The following RAD54L2 variants were observed in gnomAD, a reference collection of about 807,000 sequenced individuals.
RAD54L2 encodes the protein RAD54 like 2.
A neutral mutation model predicts 138.4 loss-of-function variants in RAD54L2; 27 were observed. The observed-to-expected ratio is 0.20, with a 90% confidence interval of 0.14 to 0.27. The LOEUF (loss-of-function observed/expected upper bound fraction) is 0.27, where lower values mean the gene tolerates loss of function less well. Ranked by LOEUF, RAD54L2 falls within the 10% of genes least tolerant of loss-of-function variation. RAD54L2 has a pLI of 1.00. For missense variants in RAD54L2, 1,396 were observed against 1,890.2 expected, an observed-to-expected ratio of 0.74 and a Z score of 4.85; for synonymous variants, 644 against 723.2, an observed-to-expected ratio of 0.89 and a Z score of 1.76.
chr3:51,603,162 A>G (rs1212190478), intron 3 of RAD54L2, among the ~76,000 whole-genome samples: 1 of 133,204 alleles, frequency 7.5e-6, no homozygotes, highest in Admixed American at 7.3e-5. Context: ...AAAAAAAAAA[A>G]GCCAGGCATG....
chr3:51,639,391 G>T (rs1372630244), intron 12 of RAD54L2, 28 bp from the exon 13 acceptor site: 1 of 1,608,210 alleles, frequency 6.2e-7, no homozygotes, highest in Admixed American at 1.7e-5. Flanking sequence ...TTTGTCCTGT[G>T]TCTCCTCTCC....
intron 2 of RAD54L2, among the ~76,000 whole-genome samples, chr3:51,550,062 G>GC (rs2108689478): frequency 6.6e-6 from 1 of 152,214 alleles, no homozygotes; most frequent in East Asian, 1.9e-4. Flanking sequence ...GCTTTTCACT[G>GC]CCCCTAGGGT....
At chr3:51,572,069 G>A (rs6445793) in intron 2 of RAD54L2, among the ~76,000 whole-genome samples, 149,257 of 152,316 alleles carry the variant, frequency 0.98, 73,146 homozygotes, top group East Asian at 1. Flanking sequence ...TGTTTTCTTC[G>A]GTATTTATGT....
intron 7 of RAD54L2, among the ~76,000 whole-genome samples, chr3:51,632,167 G>A (rs995717747): frequency 7.9e-5 from 12 of 152,268 alleles, no homozygotes; most frequent in African/African-American, 1.2e-4. Flanking sequence ...TTCATTTTTC[G>A]TGGCTGAATA....
chr3:51,643,985 C>T lies in RAD54L2; in HGVS notation c.2450+11C>T, dbSNP rs753071053. 13 of 1,580,554 alleles carry T rather than the reference C, an allele frequency of 8.2e-6. No individual in the cohort carries two copies. Among genetic ancestry groups the T allele is most frequent in the Non-Finnish European group, 1.1e-5 (13 of 1,160,060 alleles). On this transcript the variant is annotated intron_variant, in intron 16 of 22. Transcript: ENST00000684192. ...CCTTCTCTCTACAAGGTGAGTGGAT[C>T]CCAAGAGGGGAGGTCAAAGGAATCT...
At chr3:51,616,403 T>C (rs777882832) in intron 3 of RAD54L2, among the ~76,000 whole-genome samples, 2 of 152,240 alleles carry the variant, frequency 1.3e-5, no homozygotes, top group Non-Finnish European at 2.9e-5. Context: ...TAAGCATAAC[T>C]TTAGCAATAT....
At chr3:51,604,709 G>C (rs1174474599) in intron 3 of RAD54L2, among the ~76,000 whole-genome samples, 1 of 152,128 alleles carries the variant, frequency 6.6e-6, no homozygotes, top group Non-Finnish European at 1.5e-5. Context: ...ATTGCTGATG[G>C]GCTGGACCCA....
chr3:51,565,499 G>A, intron 2 of RAD54L2, among the ~76,000 whole-genome samples: 1 of 152,098 alleles, frequency 6.6e-6, no homozygotes, highest in Non-Finnish European at 1.5e-5. Context: ...TTTTTGAGAT[G>A]GCGTCTTACT....
intron 3 of RAD54L2, among the ~76,000 whole-genome samples, chr3:51,617,071 T>G (rs1268729569): frequency 6.6e-6 from 1 of 152,248 alleles, no homozygotes; most frequent in Admixed American, 6.5e-5. Flanking sequence ...TTGTTCCTTT[T>G]TATTGTTTAG....
intron 2 of RAD54L2, among the ~76,000 whole-genome samples, chr3:51,545,961 T>G: frequency 7.3e-6 from 1 of 136,864 alleles, no homozygotes; most frequent in African/African-American, 2.9e-5. Flanking sequence ...TTTTTGGAGA[T>G]GGCGTCTCAC....
intron 2 of RAD54L2, among the ~76,000 whole-genome samples, chr3:51,579,297 C>T (rs1699557269): frequency 6.6e-6 from 1 of 151,524 alleles, no homozygotes; most frequent in South Asian, 2.1e-4. Flanking sequence ...GCAGGGCGGG[C>T]CATGGGTGGT....
intron 3 of RAD54L2, among the ~76,000 whole-genome samples, chr3:51,601,607 A>G (rs951972761): frequency 6.7e-6 from 1 of 150,298 alleles, no homozygotes; most frequent in Non-Finnish European, 1.5e-5. Flanking sequence ...CGCCCGGGCT[A>G]ATTTTTTATA....
intron 3 of RAD54L2, among the ~76,000 whole-genome samples, chr3:51,613,730 ATT>A (rs1235238420): frequency 2.0e-5 from 3 of 150,206 alleles, no homozygotes; most frequent in African/African-American, 7.4e-5. Flanking sequence ...ATGCCACTGC[ATT>A]CCAGCCTGGG....
chr3:51,547,919 T>A (rs1444902393), intron 2 of RAD54L2, among the ~76,000 whole-genome samples: 3 of 151,968 alleles, frequency 2.0e-5, no homozygotes, highest in Admixed American at 2.0e-4. Flanking sequence ...GAGATGGAGT[T>A]TTGCTCTTTT....
chr3:51,567,555 A>G (rs112915869), intron 2 of RAD54L2, among the ~76,000 whole-genome samples: 1 of 152,264 alleles, frequency 6.6e-6, no homozygotes, highest in African/African-American at 2.4e-5. Flanking sequence ...GGTTTGTGTT[A>G]ATTCTGAAAT....
intron 2 of RAD54L2, among the ~76,000 whole-genome samples, chr3:51,544,939 A>G (rs578131896): frequency 6.6e-6 from 1 of 152,216 alleles, no homozygotes; most frequent in East Asian, 1.9e-4. Flanking sequence ...GATATTGTGA[A>G]TTTTGCTGCC....
intron 3 of RAD54L2, among the ~76,000 whole-genome samples, chr3:51,606,008 A>AATT (rs1700172887): frequency 6.6e-6 from 1 of 152,150 alleles, no homozygotes; most frequent in Non-Finnish European, 1.5e-5. Context: ...AGAGGTGGGG[A>AATT]AAGAAGGAGA....
rs572043645 is a variant in RAD54L2, at chr3:51,623,914, T to A, written c.140-3639T>A. Reference sequence around the variant, plus strand: ...ATGGTGTGAATCTGGGAGGTGGAGCTTACAGTGATCCGAGATTGCGCCACA... The same window carrying A: ...ATGGTGTGAATCTGGGAGGTGGAGCATACAGTGATCCGAGATTGCGCCACA... On this transcript the variant is annotated intron_variant, in intron 3 of 22. Transcript: ENST00000684192. 2.7e-5 allele frequency among the ~76,000 whole-genome samples: 4 copies of A among 147,624 alleles called. No homozygotes were observed. The South Asian group carries it at 8.5e-4, about 31-fold the overall frequency.
In RAD54L2 at chr3:51,664,766, AGGGT is replaced by A. The variant is rs947001902; in HGVS notation, c.*1350_*1353del. On this transcript the variant is annotated 3_prime_UTR_variant, in exon 23 of 23. Coordinates refer to ENST00000684192, the MANE Select transcript of RAD54L2 (RefSeq NM_015106.4). ...AATCCTGAGACTGGATAGTTAGTGG[AGGGT>A]GGGACTCATTCCACAGAAATCGAAA... is the stretch of plus-strand genomic sequence containing the variant. 3.9e-5 allele frequency: 6 copies of A among 152,132 alleles called. No homozygotes were observed. The highest frequency in any genetic ancestry group is 1.3e-4 in the Admixed American group (2 of 15,274). The allele number at this position is 152,132 out of a possible 1,614,324, so 9.4% of individuals were successfully genotyped here.
Sources: allele counts gnomAD v4.1 joint callset (sites outside exome capture counted in the v4.1 genomes callset), GRCh38; gene constraint gnomAD v4.1.1; transcripts MANE v1.5; gene names NCBI Gene and HGNC (gene_info 2026-07-23, HGNC 2026-07-21).